PCDHGA5: variants seen among roughly 807,000 people sequenced by gnomAD.
PCDHGA5 encodes protocadherin gamma subfamily A, 5.
Under a neutral mutation model 56.7 loss-of-function variants are expected in PCDHGA5, and 36 were observed. The ratio of observed to expected loss-of-function variants is 0.64; its 90% CI spans 0.49 to 0.84. The LOEUF (loss-of-function observed/expected upper bound fraction) is 0.84, where lower values mean the gene tolerates loss of function less well. Ranked by LOEUF, PCDHGA5 falls within the 40% of genes least tolerant of loss-of-function variation. The pLI, the probability that PCDHGA5 is intolerant of heterozygous loss-of-function variation, is 0.00. For synonymous variants in PCDHGA5, 563 were observed against 520.2 expected, an observed-to-expected ratio of 1.08 and a Z score of -1.12; for missense variants, 1,305 against 1,201.5, an observed-to-expected ratio of 1.09 and a Z score of -1.27.
chr5:141,382,795 T>C, intron 1 of PCDHGA5: 1 of 982,614 alleles, frequency 1.0e-6, no homozygotes, highest in South Asian at 1.7e-5. Flanking sequence ...TCTATCCTGC[T>C]GGATTCTGAG....
chr5:141,495,900 G>A (rs1403705200), intron 2 of PCDHGA5, among the ~76,000 whole-genome samples: 2 of 151,894 alleles, frequency 1.3e-5, no homozygotes, highest in East Asian at 1.9e-4. Context: ...CTTTGTCTCT[G>A]TCTCTGTATA....
At chr5:141,470,139 A>AT (rs146570937) in intron 1 of PCDHGA5, among the ~76,000 whole-genome samples, 7,047 of 152,316 alleles carry the variant, frequency 0.046, 200 homozygotes, top group Middle Eastern at 0.092. Flanking sequence ...AAAAAAAAAG[A>AT]TCATAGATCA....
intron 1 of PCDHGA5, among the ~76,000 whole-genome samples, chr5:141,463,124 T>C (rs2099053100): frequency 6.6e-6 from 1 of 152,174 alleles, no homozygotes; most frequent in African/African-American, 2.4e-5. Context: ...AATAGCTCCC[T>C]GGCAGTTCTT....
intron 1 of PCDHGA5, chr5:141,372,312 C>T: frequency 6.2e-7 from 1 of 1,613,550 alleles, no homozygotes; most frequent in Non-Finnish European, 8.5e-7. Context: ...GGCCGCCCGC[C>T]AGCGCCTGCT....
chr5:141,435,181 T>C (rs1249878603), intron 1 of PCDHGA5, among the ~76,000 whole-genome samples: 1 of 152,184 alleles, frequency 6.6e-6, no homozygotes, highest in African/African-American at 2.4e-5. Context: ...TTAACTACAC[T>C]TGAGATGGCT....
intron 3 of PCDHGA5, among the ~76,000 whole-genome samples, chr5:141,509,265 C>G (rs1296179995): frequency 1.3e-5 from 2 of 152,138 alleles, no homozygotes; most frequent in African/African-American, 4.8e-5. Flanking sequence ...TTTAGTCACT[C>G]TCGCTACCCG....
chr5:141,491,742 C>T lies in PCDHGA5; in HGVS notation c.2422-3065C>T. On this transcript the variant is annotated intron_variant, in intron 1 of 3. Transcript: ENST00000518069. This position sits in a 1 kb window ranked among gnomAD's most constrained non-coding sequence, Gnocchi z 6.9. ...CGCCCCGGGCGACCCCTGGGGGCGG[C>T]ACTGGAGAAGCCGCCCGTCCTCATA... 6.3e-7 allele frequency: 1 copy of T among 1,596,114 alleles called. No individual in the cohort carries two copies. Among genetic ancestry groups the T allele is most frequent in the African/African-American group, 1.3e-5 (1 of 74,260 alleles).
Position 141,489,138 on chromosome 5 carries a change from T to C in PCDHGA5, c.2422-5669T>C. 1.4e-6 allele frequency: 1 copy of C among 738,808 alleles called. No homozygotes were observed. The highest frequency in any genetic ancestry group is 3.0e-5 in the Admixed American group (1 of 33,014). The allele number at this position is 738,808 out of a possible 1,614,324, so 45.8% of individuals were successfully genotyped here. On this transcript the variant is annotated intron_variant, in intron 1 of 3. Transcript: ENST00000518069. This position sits in a 1 kb window ranked among gnomAD's most constrained non-coding sequence, Gnocchi z 4.5. ...AACCTCCGAGCAGTTTTTAAGAGGC[T>C]GGAAGGAGACATAAGAGACTTCAGC...
At chr5:141,399,019 A>AC in intron 1 of PCDHGA5, 1 of 1,613,932 alleles carries the variant, frequency 6.2e-7, no homozygotes, top group Non-Finnish European at 8.5e-7. Context: ...CGGAGAAATT[A>AC]CCACTCAAAA....
rs765185360 is a variant in PCDHGA5, at chr5:141,491,451, C to T, written c.2422-3356C>T. 1.2e-6 allele frequency: 2 copies of T among 1,614,112 alleles called. No individual in the cohort carries two copies. The highest frequency in any genetic ancestry group is 1.1e-5 in the South Asian group (1 of 91,082). On this transcript the variant is annotated intron_variant, in intron 1 of 3. Coordinates refer to ENST00000518069, the MANE Select transcript of PCDHGA5 (RefSeq NM_018918.3). This position sits in a 1 kb window ranked among gnomAD's most constrained non-coding sequence, Gnocchi z 6.9. ...AGTGCTGCAGGCGCCAGGACTCACC[C>T]TCCCCGGACTTCTATAAGCAGTCCA...
In PCDHGA5 at chr5:141,486,476, C is replaced by G. The variant is rs765887978; in HGVS notation, c.2422-8331C>G. The G allele has an allele frequency of 5.0e-6, 8 of 1,613,934 alleles. No homozygotes were observed. In the South Asian group the frequency reaches 7.7e-5, roughly 16 times the overall value. ...TGCTTCTGATGCTGGGAACCCTCCTCTCAGTACCCACAGAACTATTTTCCT... is the reference window on the plus strand; with the variant it reads ...TGCTTCTGATGCTGGGAACCCTCCTGTCAGTACCCACAGAACTATTTTCCT... On this transcript the variant is annotated intron_variant, in intron 1 of 3. Coordinates refer to ENST00000518069, the MANE Select transcript of PCDHGA5 (RefSeq NM_018918.3). The surrounding 1 kb of genome is among the most constrained non-coding windows in gnomAD (Gnocchi z 5.0).
rs756706355 is a variant in PCDHGA5 at position 141,486,950 on chromosome 5, G to C, written c.2422-7857G>C. 6.2e-7 allele frequency: 1 copy of C among 1,614,202 alleles called. No homozygotes were observed. Among genetic ancestry groups the C allele is most frequent in the East Asian group, 2.2e-5 (1 of 44,876 alleles). On this transcript the variant is annotated intron_variant, in intron 1 of 3. Coordinates refer to ENST00000518069, the MANE Select transcript of PCDHGA5 (RefSeq NM_018918.3). The surrounding 1 kb of genome is among the most constrained non-coding windows in gnomAD (Gnocchi z 5.0). ...TGGTGCTGGCCACCTAATCACAAAG[G>C]TGACTGCTGTGGACTTGGATTCAGG...
At chr5:141,385,006 G>A (rs762264055) in intron 1 of PCDHGA5, 10 of 1,613,972 alleles carry the variant, frequency 6.2e-6, no homozygotes, top group East Asian at 2.2e-5. Context: ...AGTCTCCTGC[G>A]TCTTCCTAGC....
chr5:141,469,747 C>T (rs1392088794), intron 1 of PCDHGA5, among the ~76,000 whole-genome samples: 1 of 152,134 alleles, frequency 6.6e-6, no homozygotes, highest in Non-Finnish European at 1.5e-5. Context: ...TCAAAAATTA[C>T]AAAAATACAT....
At chr5:141,418,185 T>C in intron 1 of PCDHGA5, 1 of 1,614,058 alleles carries the variant, frequency 6.2e-7, no homozygotes, top group Non-Finnish European at 8.5e-7. Flanking sequence ...TTGGAAGCTG[T>C]GGTGGAAAAT....
intron 1 of PCDHGA5, chr5:141,418,940 C>T (rs867717378): frequency 5.6e-6 from 9 of 1,614,010 alleles, no homozygotes; most frequent in Non-Finnish European, 7.6e-6. Flanking sequence ...GGAGGATTCC[C>T]CTCCAGGAGT....
chr5:141,400,538 A>C (rs994052728), intron 1 of PCDHGA5: 5 of 1,613,662 alleles, frequency 3.1e-6, no homozygotes, highest in Non-Finnish European at 4.2e-6. Context: ...AGTTTCATTT[A>C]TGTCTATTCT....
intron 1 of PCDHGA5, chr5:141,414,780 G>A (rs2095787223): frequency 1.2e-6 from 2 of 1,614,232 alleles, no homozygotes; most frequent in Non-Finnish European, 1.7e-6. Context: ...TACAGATGCA[G>A]GTGACAGCCA....
In PCDHGA5 at chr5:141,491,764, C is replaced by T; in HGVS notation, c.2422-3043C>T. The stretch of plus-strand genomic sequence containing the variant: ...CGGCACTGGAGAAGCCGCCCGTCCT[C>T]ATAAGGGATTGAACTTGCATCCACT... On this transcript the variant is annotated intron_variant, in intron 1 of 3. Transcript: ENST00000518069. The surrounding 1 kb of genome is among the most constrained non-coding windows in gnomAD (Gnocchi z 6.9). The T allele has an allele frequency of 6.4e-7, 1 of 1,570,206 alleles. No homozygotes were observed. Among genetic ancestry groups the T allele is most frequent in the Non-Finnish European group, 8.6e-7 (1 of 1,159,296 alleles).
Sources: allele counts gnomAD v4.1 joint callset (sites outside exome capture counted in the v4.1 genomes callset), GRCh38; gene constraint gnomAD v4.1.1; non-coding constraint Gnocchi (gnomAD v3.1); transcripts MANE v1.5; gene names NCBI Gene and HGNC (gene_info 2026-07-23, HGNC 2026-07-21).